Variants in ZNF728 observed in about 807,000 individuals in gnomAD.
ZNF728 encodes the protein zinc finger protein 728.
A neutral mutation model predicts 12.5 loss-of-function variants in ZNF728; 12 were observed. The observed-to-expected ratio is 0.96, with a 90% confidence interval of 0.61 to 1.55. The LOEUF (loss-of-function observed/expected upper bound fraction) is 1.55, where lower values mean the gene tolerates loss of function less well. ZNF728 is among the 40% of genes most tolerant of loss of function. The probability of loss-of-function intolerance (pLI) is 0.00; values close to 1 mark genes in which losing one functional copy is unlikely to be tolerated. For missense variants in ZNF728, 692 were observed against 719.2 expected (o/e 0.96, Z 0.43); for synonymous variants, 205 against 240.7 (o/e 0.85, Z 1.37).
At position 22,976,678 on chromosome 19, in the gene ZNF728, CTCTTA is replaced by C. The variant is rs768392412; in HGVS notation, c.654_658del (p.Tyr218Ter). ...GCAGGGTTTCTCTCCAGTATGAATTCTCTTATAAGTAAGGGCTGAGGACCAGTTAA... is the reference window on the plus strand; with the variant it reads ...GCAGGGTTTCTCTCCAGTATGAATTCTAAGTAAGGGCTGAGGACCAGTTAA... On this transcript the variant is annotated stop_gained and frameshift_variant, in exon 4 of 4. Coordinates refer to ENST00000594710, the MANE Select transcript of ZNF728 (RefSeq NM_001267716.2). LOFTEE classifies it low-confidence loss of function (END_TRUNC). The C allele has an allele frequency of 3.7e-6, 6 of 1,612,970 alleles. No homozygotes were observed. Among genetic ancestry groups the C allele is most frequent in the Middle Eastern group, 3.3e-4 (2 of 6,082 alleles).
Position 23,003,067 on chromosome 19 carries a change from A to G in ZNF728, c.-37T>C, listed in dbSNP as rs1969131035. 1 of 1,573,018 alleles carries G rather than the reference A, an allele frequency of 6.4e-7. No homozygotes were observed. The highest frequency in any genetic ancestry group is 8.6e-7 in the Non-Finnish European group (1 of 1,159,986). The stretch of plus-strand genomic sequence containing the variant: ...CGGGGGTCCTGGCGACTTAGTTGTG[A>G]ATCTCCCAATACCTGCAGGTCACAG... On this transcript the variant is annotated 5_prime_UTR_variant, in exon 1 of 4. Transcript: ENST00000594710.
In ZNF728 at chr19:22,976,753, T is replaced by C; in HGVS notation, c.584A>G (p.Tyr195Cys). ...LSHLSQHKRI[Y>C]TRENSYKSEE... ...ACTTTTGTAGGAATTCTCTCTAGTATAAATTCTTTTATGTTGAGATAGGTG... is the reference window on the plus strand; with the variant it reads ...ACTTTTGTAGGAATTCTCTCTAGTACAAATTCTTTTATGTTGAGATAGGTG... Residue 195 changes from tyrosine (Y) to cysteine (C), a missense_variant, in exon 4 of 4, where the codon TAT becomes TGT. By Grantham distance (194) the Tyr-to-Cys change is radical. Around this residue, in one of 3 missense-constraint regions of ZNF728, gnomAD observed 440 missense variants for 459.6 expected, o/e 0.96. Coordinates refer to ENST00000594710, the MANE Select transcript of ZNF728 (RefSeq NM_001267716.2). The C allele has an allele frequency of 6.2e-7, 1 of 1,613,454 alleles. No individual in the cohort carries two copies. Among genetic ancestry groups the C allele is most frequent in the Non-Finnish European group, 8.5e-7 (1 of 1,179,866 alleles).
At chr19:22,994,848 C>CTA (rs1969031729) in intron 1 of ZNF728, 1 of 152,306 alleles carries the variant, frequency 6.6e-6, no homozygotes, top group African/African-American at 2.4e-5. Context: ...CTCCTGGTGG[C>CTA]TAGTGTACTC....
At chr19:22,981,908 C>T (rs1968864806) in intron 3 of ZNF728, among the ~76,000 whole-genome samples, 1 of 152,114 alleles carries the variant, frequency 6.6e-6, no homozygotes, top group Non-Finnish European at 1.5e-5. Flanking sequence ...TTATGACAAA[C>T]CCACAGACAA....
chr19:22,988,603 A>C (rs932796903), intron 1 of ZNF728, among the ~76,000 whole-genome samples, 152 bp from the exon 2 acceptor site: 2 of 152,248 alleles, frequency 1.3e-5, no homozygotes, highest in African/African-American at 4.8e-5. Context: ...CAACACAACA[A>C]TATTCTCTAA....
intron 3 of ZNF728, among the ~76,000 whole-genome samples, chr19:22,981,018 T>G (rs1217919668): frequency 6.9e-6 from 1 of 145,442 alleles, no homozygotes; most frequent in Non-Finnish European, 1.5e-5. Context: ...AACAAATAAC[T>G]AAGAACAGAG....
chr19:22,984,261 A>T (rs1234677623), intron 3 of ZNF728, among the ~76,000 whole-genome samples: 3 of 152,010 alleles, frequency 2.0e-5, no homozygotes, highest in Non-Finnish European at 4.4e-5. Context: ...ATAGAAAAAA[A>T]TTGAAAAAAA....
intron 3 of ZNF728, among the ~76,000 whole-genome samples, chr19:22,980,371 A>G (rs2145335235): frequency 6.6e-6 from 1 of 152,272 alleles, no homozygotes; most frequent in East Asian, 1.9e-4. Flanking sequence ...GAGCACCTAG[A>G]ATCATAAAGC....
intron 3 of ZNF728, among the ~76,000 whole-genome samples, chr19:22,984,577 TACACACACACACACAC>T (rs57794293): frequency 9.2e-6 from 1 of 109,248 alleles, no homozygotes; most frequent in South Asian, 3.1e-4. Context: ...AAAAAAAAAA[TACACACACACACACAC>T]ACACACACAC....
At chr19:23,001,242 A>G (rs1202210299) in intron 1 of ZNF728, among the ~76,000 whole-genome samples, 1 of 152,164 alleles carries the variant, frequency 6.6e-6, no homozygotes, top group Non-Finnish European at 1.5e-5. Context: ...TTCCCCTTCA[A>G]TACCAGCATC....
chr19:22,988,134 A>T, intron 2 of ZNF728, among the ~76,000 whole-genome samples, 191 bp downstream of exon 2: 1 of 152,064 alleles, frequency 6.6e-6, no homozygotes, highest in East Asian at 1.9e-4. Context: ...TACTCAATAA[A>T]TATGAAGGGC....
chr19:22,986,920 C>T (rs984350368), intron 3 of ZNF728, among the ~76,000 whole-genome samples: 7 of 152,106 alleles, frequency 4.6e-5, no homozygotes, highest in African/African-American at 1.7e-4. Flanking sequence ...GAAACCACTA[C>T]TCTCACATAT....
At chr19:22,993,035 T>C (rs1456781895) in intron 1 of ZNF728, among the ~76,000 whole-genome samples, 1 of 152,216 alleles carries the variant, frequency 6.6e-6, no homozygotes. Context: ...TTTACTCCAG[T>C]ATCACATTTT....
At chr19:22,977,556 T>C (rs1043773614) in intron 3 of ZNF728, among the ~76,000 whole-genome samples, 3 of 151,734 alleles carry the variant, frequency 2.0e-5, no homozygotes, top group Non-Finnish European at 4.4e-5. Flanking sequence ...TGCTGAAAGA[T>C]ATGGTGGTAT....
chr19:22,979,245 A>T (rs1042078346), intron 3 of ZNF728, among the ~76,000 whole-genome samples: 1 of 152,242 alleles, frequency 6.6e-6, no homozygotes, highest in Non-Finnish European at 1.5e-5. Flanking sequence ...GAATCGATAA[A>T]GTGGAAGAAA....
chr19:22,984,385 C>A (rs1205249218), intron 3 of ZNF728, among the ~76,000 whole-genome samples: 1 of 151,642 alleles, frequency 6.6e-6, no homozygotes, highest in Non-Finnish European at 1.5e-5. Context: ...ATAGTGAAAC[C>A]CTGTCTCTAC....
At chr19:22,990,708 A>G (rs1256260774) in intron 1 of ZNF728, among the ~76,000 whole-genome samples, 3 of 151,696 alleles carry the variant, frequency 2.0e-5, no homozygotes, top group Non-Finnish European at 4.4e-5. Flanking sequence ...GCCTCACCTT[A>G]GAGTCACATG....
At chr19:22,977,948 ACT>A (rs949827424) in intron 3 of ZNF728, among the ~76,000 whole-genome samples, 11 of 152,122 alleles carry the variant, frequency 7.2e-5, no homozygotes, top group African/African-American at 2.2e-4. Context: ...ATTGAATAAT[ACT>A]CTGAGTGAAA....
chr19:22,988,819 A>G lies in ZNF728; in HGVS notation c.4-368T>C, dbSNP rs185660927. The stretch of plus-strand genomic sequence containing the variant: ...GTAATCCCAGCACTTTGGGAGGCCA[A>G]GGCGGGCAGATCACCTGAGGTCGGG... On this transcript the variant is annotated intron_variant, in intron 1 of 3. Transcript: ENST00000594710. Among the ~76,000 whole-genome samples, 504 of 152,296 alleles carry G rather than the reference A, an allele frequency of 3.3e-3. 3 individuals carry two copies. Among genetic ancestry groups the G allele is most frequent in the African/African-American group, 0.012 (487 of 41,566 alleles).
Sources: allele counts gnomAD v4.1 joint callset (sites outside exome capture counted in the v4.1 genomes callset), GRCh38; gene constraint gnomAD v4.1.1; regional missense constraint gnomAD v4.1.1; transcripts MANE v1.5; gene names NCBI Gene and HGNC (gene_info 2026-07-23, HGNC 2026-07-21).